CDK14: variants seen among roughly 807,000 people sequenced by gnomAD.
CDK14 encodes the protein cyclin-dependent kinase 14.
Under a neutral mutation model 60.7 loss-of-function variants are expected in CDK14, and 34 were observed. The observed-to-expected ratio is 0.56, with a 90% CI of 0.43 to 0.75. The LOEUF (loss-of-function observed/expected upper bound fraction) is 0.75. CDK14 is among the 30% of genes least tolerant of loss of function. CDK14 has a pLI of 0.00. For synonymous variants in CDK14, 197 were observed against 203.7 expected, an observed-to-expected ratio of 0.97 and a Z score of 0.28; for missense variants, 482 against 564.1, an observed-to-expected ratio of 0.85 and a Z score of 1.47.
chr7:91,155,315 C>T (rs1019038121), intron 14 of CDK14, among the ~76,000 whole-genome samples: 17 of 152,110 alleles, frequency 1.1e-4, no homozygotes, highest in Admixed American at 9.2e-4. Flanking sequence ...AATAGCAAAA[C>T]GTCCAAAGGT....
intron 14 of CDK14, among the ~76,000 whole-genome samples, chr7:91,179,877 T>C (rs921780553): frequency 6.6e-6 from 1 of 152,198 alleles, no homozygotes; most frequent in Non-Finnish European, 1.5e-5. Flanking sequence ...TGATCATTCA[T>C]GTACCAATAT....
intron 1 of CDK14, among the ~76,000 whole-genome samples, chr7:90,600,671 A>T (rs898344069): frequency 1.3e-5 from 2 of 152,268 alleles, no homozygotes; most frequent in Non-Finnish European, 2.9e-5. Flanking sequence ...ATATAAGGTT[A>T]AATGTTCAGA....
chr7:90,913,056 A>G (rs551771665), intron 7 of CDK14, among the ~76,000 whole-genome samples: 10 of 152,300 alleles, frequency 6.6e-5, no homozygotes, highest in African/African-American at 2.4e-4. Flanking sequence ...ATGCTTTAGA[A>G]AAAGAATGTG....
intron 2 of CDK14, among the ~76,000 whole-genome samples, chr7:90,722,619 A>AT (rs10629900): frequency 0.72 from 109,547 of 151,400 alleles, 39,888 homozygotes; most frequent in East Asian, 0.86. Context: ...ACCTTGTTAA[A>AT]TTTTTTTTTT....
In CDK14 at chr7:91,121,821, G is replaced by A. The variant is rs545958515; in HGVS notation, c.*28+3613G>A. ...TGGGTAAGACCCTTCTAAAGTCTGA[G>A]AGAGCCTTAAATATACATAGAAATT... On this transcript the variant is annotated intron_variant, in intron 14 of 14. Coordinates refer to ENST00000380050, the MANE Select transcript of CDK14 (RefSeq NM_001287135.2). Among the ~76,000 whole-genome samples the A allele has an allele frequency of 1.9e-3, 292 of 152,284 alleles. 3 individuals are homozygous for A. Among genetic ancestry groups the A allele is most frequent in the Non-Finnish European group, 1.9e-4 (13 of 68,028 alleles).
chr7:91,056,470 CAT>C (rs1797563955), intron 11 of CDK14, among the ~76,000 whole-genome samples: 2 of 152,016 alleles, frequency 1.3e-5, no homozygotes, highest in Admixed American at 1.3e-4. Context: ...AGGTTGGTTA[CAT>C]ATGTATACAT....
intron 4 of CDK14, among the ~76,000 whole-genome samples, chr7:90,782,955 A>G (rs529199996): frequency 1.3e-5 from 2 of 152,186 alleles, no homozygotes; most frequent in South Asian, 4.2e-4. Flanking sequence ...TCTCCTTGGG[A>G]GCCTGGATGA....
intron 9 of CDK14, among the ~76,000 whole-genome samples, chr7:90,973,392 A>T (rs1018266052): frequency 1.3e-5 from 2 of 152,170 alleles, no homozygotes; most frequent in Admixed American, 6.6e-5. Flanking sequence ...CACTCTGCTT[A>T]AAGCTCTCGG....
chr7:90,969,245 G>T (rs1043009946), intron 9 of CDK14, among the ~76,000 whole-genome samples: 1 of 152,114 alleles, frequency 6.6e-6, no homozygotes, highest in African/African-American at 2.4e-5. Context: ...ATATATCTTA[G>T]TAGTGCCCAT....
Position 91,086,909 on chromosome 7 carries a change from T to C in CDK14, c.1154+7429T>C, listed in dbSNP as rs77093554. 7.9e-4 allele frequency among the ~76,000 whole-genome samples: 120 copies of C among 152,322 alleles called. No individual in the cohort carries two copies. In the East Asian group the frequency reaches 0.023, roughly 29 times the overall value. On this transcript the variant is annotated intron_variant, in intron 12 of 14. Coordinates refer to ENST00000380050, the MANE Select transcript of CDK14 (RefSeq NM_001287135.2). ...AATAAAGATGAATATAAGAAGTCAC[T>C]GGAGAAAAACACTATTCGCTTTTAG...
intron 11 of CDK14, among the ~76,000 whole-genome samples, chr7:91,062,605 A>C (rs561760720): frequency 6.6e-6 from 1 of 152,294 alleles, no homozygotes; most frequent in Admixed American, 6.5e-5. Flanking sequence ...TAAGTGTCAC[A>C]TAGCTGATGA....
chr7:91,061,806 C>T (rs1453482154), intron 11 of CDK14, among the ~76,000 whole-genome samples: 3 of 152,184 alleles, frequency 2.0e-5, no homozygotes, highest in Non-Finnish European at 4.4e-5. Flanking sequence ...GTCAGTCTGC[C>T]CCTACTCGGG....
intron 8 of CDK14, among the ~76,000 whole-genome samples, chr7:90,950,493 A>G (rs1456060317): frequency 6.6e-6 from 1 of 152,204 alleles, no homozygotes; most frequent in East Asian, 1.9e-4. Context: ...AGGACCTAAG[A>G]AGGAGGAAGA....
intron 7 of CDK14, among the ~76,000 whole-genome samples, chr7:90,910,739 T>C (rs1792866045): frequency 1.3e-5 from 2 of 152,170 alleles, no homozygotes; most frequent in Admixed American, 1.3e-4. Context: ...TTACTTACTA[T>C]GTGTTCCTTT....
At chr7:91,197,194 G>C (rs1225796470) in intron 14 of CDK14, among the ~76,000 whole-genome samples, 1 of 152,090 alleles carries the variant, frequency 6.6e-6, no homozygotes, top group Non-Finnish European at 1.5e-5. Flanking sequence ...GAGGCCAGGG[G>C]TTCAAGACCA....
At chr7:90,639,290 G>A (rs1484433874) in intron 2 of CDK14, among the ~76,000 whole-genome samples, 4 of 151,928 alleles carry the variant, frequency 2.6e-5, no homozygotes, top group Admixed American at 2.6e-4. Flanking sequence ...TGATGGTGAT[G>A]TACAGATGGG....
At chr7:90,965,873 A>G (rs529215072) in intron 9 of CDK14, among the ~76,000 whole-genome samples, 24 of 152,304 alleles carry the variant, frequency 1.6e-4, no homozygotes, top group Admixed American at 4.6e-4. Flanking sequence ...GCTGCTGAGA[A>G]GTGTGATTCC....
At chr7:90,905,536 A>C (rs1404478694) in intron 7 of CDK14, among the ~76,000 whole-genome samples, 2 of 152,136 alleles carry the variant, frequency 1.3e-5, no homozygotes, top group African/African-American at 4.8e-5. Flanking sequence ...AAACAAAACA[A>C]AAAATACCTC....
At chr7:91,019,142 T>C (rs921030774) in intron 10 of CDK14, among the ~76,000 whole-genome samples, 2 of 152,186 alleles carry the variant, frequency 1.3e-5, no homozygotes, top group African/African-American at 2.4e-5. Context: ...TGGCATATAG[T>C]AAACTCCAAT....
Sources: gnomAD v4.1 joint callset for allele counts (sites outside exome capture counted in the v4.1 genomes callset) on GRCh38, gnomAD v4.1.1 for gene constraint, MANE v1.5 for transcripts, NCBI Gene and HGNC (gene_info 2026-07-23, HGNC 2026-07-21) for gene names.